MTOR: variants seen among roughly 807,000 people sequenced by gnomAD.
MTOR encodes serine/threonine-protein kinase mTOR.
A neutral mutation model predicts 319.8 loss-of-function variants in MTOR; 70 were observed. The observed-to-expected ratio is 0.22, with a 90% CI of 0.18 to 0.27. MTOR has a LOEUF of 0.27. Ranked by LOEUF, MTOR falls within the 10% of genes least tolerant of loss-of-function variation. The pLI is 1.00. For missense variants in MTOR, 1,890 were observed against 3,274.4 expected (o/e 0.58, Z 10.32); for synonymous variants, 1,183 against 1,211.4 (o/e 0.98, Z 0.49).
At position 11,204,570 on chromosome 1, in the gene MTOR, G is replaced by A. The variant is rs2100764802; in HGVS notation, c.3935C>T (p.Pro1312Leu). The A allele has an allele frequency of 3.1e-6, 5 of 1,613,912 alleles. No individual in the cohort carries two copies. The highest frequency in any genetic ancestry group is 1.1e-5 in the South Asian group (1 of 91,056). Residue 1312 changes from proline to leucine, a missense_variant, in exon 26 of 58, where the codon CCG becomes CTG. Coordinates refer to ENST00000361445, the MANE Select transcript of MTOR (RefSeq NM_004958.4). ...SCWALAQAYN[P>L]MARDLFNAAF... ...CCCTGACACACTATACCTGGCCATC[G>A]GGTTGTAGGCCTGTGCCAGGGCCCA...
At chr1:11,231,149 G>A (rs1216917864) in intron 17 of MTOR, 95 bp from the exon 18 acceptor site, 16 of 1,596,108 alleles carry the variant, frequency 1.0e-5, no homozygotes, top group Non-Finnish European at 1.4e-5. Flanking sequence ...ATAATCCCCA[G>A]TTCATATCCA....
chr1:11,129,841 G>A lies in MTOR; in HGVS notation c.5614-3C>T, dbSNP rs1233813712. On this transcript the variant is annotated splice_region_variant and splice_polypyrimidine_tract_variant and intron_variant, in intron 39 of 57. Transcript: ENST00000361445. This position sits in a 1 kb window ranked among gnomAD's most constrained non-coding sequence, Gnocchi z 4.7. ...ATCAGGAGGGTTTTGGACAGATCCT[G>A]TTGGAACACACACGTGTTAGCGACA... 6.2e-7 allele frequency: 1 copy of A among 1,613,794 alleles called. No homozygotes were observed. The highest frequency in any genetic ancestry group is 8.5e-7 in the Non-Finnish European group (1 of 1,179,668).
rs190240152 is a variant in MTOR at position 11,124,047 on chromosome 1, C to T, written c.6662+451G>A. ...AAGTGATCCACCTGCCTGGGCCTCC[C>T]AAAGTGCTGGGATTATAGGCATGGG... On this transcript the variant is annotated intron_variant, in intron 47 of 57. Coordinates refer to ENST00000361445, the MANE Select transcript of MTOR (RefSeq NM_004958.4). Among the ~76,000 whole-genome samples, 5 of 152,330 alleles carry T rather than the reference C, an allele frequency of 3.3e-5. No individual in the cohort carries two copies. In the East Asian group the frequency reaches 9.6e-4, roughly 29 times the overall value.
intron 13 of MTOR, among the ~76,000 whole-genome samples, chr1:11,236,279 G>A (rs1169307754): frequency 1.3e-5 from 2 of 151,518 alleles, no homozygotes; most frequent in African/African-American, 2.4e-5. Flanking sequence ...TAGGACTACA[G>A]GTATGCACCA....
rs185959134 is a variant in MTOR, at chr1:11,147,368, A to T, written c.4571-577T>A. ...AAAAAGATGGGCTAGGTCACAGCAC[A>T]GTGCTCTCTGTGTCATATTAGACAG... is the stretch of plus-strand genomic sequence containing the variant. On this transcript the variant is annotated intron_variant, in intron 31 of 57. Transcript: ENST00000361445. Among the ~76,000 whole-genome samples the T allele has an allele frequency of 2.9e-3, 446 of 152,350 alleles. 3 individuals carry two copies. Among genetic ancestry groups the T allele is most frequent in the Non-Finnish European group, 5.4e-3 (366 of 68,042 alleles).
chr1:11,150,292 T>G, intron 30 of MTOR, 66 bp from the exon 31 acceptor site: 10 of 1,417,866 alleles, frequency 7.1e-6, no homozygotes, highest in South Asian at 1.2e-5. Context: ...CTTCCTCTCC[T>G]GCCCCTTGGG....
chr1:11,216,185 A>C lies in MTOR; in HGVS notation c.3080T>G (p.Ile1027Ser). 1 of 1,614,080 alleles carries C rather than the reference A, an allele frequency of 6.2e-7. No homozygotes were observed. Among genetic ancestry groups the C allele is most frequent in the Non-Finnish European group, 8.5e-7 (1 of 1,179,936 alleles). Residue 1027 changes from isoleucine (I) to serine (S), a missense_variant, in exon 20 of 58, where the codon ATC (isoleucine) becomes AGC (serine). Physicochemically the swap from Ile to Ser is moderately radical, Grantham distance 142 (BLOSUM62 -2). Around this residue, in one of 15 missense-constraint regions of MTOR, gnomAD observed 377 missense variants for 653.9 expected, o/e 0.58. Coordinates refer to ENST00000361445, the MANE Select transcript of MTOR (RefSeq NM_004958.4). The part of the protein sequence containing the change: ...GMLVSFVKSH[I>S]RPYMDEIVTL... The stretch of plus-strand genomic sequence containing the variant: ...GACTATTTCATCCATATAAGGTCTG[A>C]TGTGGCTCTTCACAAAGGACACCAA...
At chr1:11,195,118 G>A in intron 28 of MTOR, 1 of 1,325,886 alleles carries the variant, frequency 7.5e-7, no homozygotes, top group Non-Finnish European at 1.0e-6. Flanking sequence ...AGAAAGGGTA[G>A]GACTGAGAAA....
At chr1:11,126,173 TCTCA>T (rs1186829309) in intron 46 of MTOR, among the ~76,000 whole-genome samples, 4 of 149,330 alleles carry the variant, frequency 2.7e-5, no homozygotes, top group African/African-American at 9.9e-5. Flanking sequence ...GCTTAACAAA[TCTCA>T]CTGTGAGAAT....
chr1:11,127,813 C>T lies in MTOR; in HGVS notation c.6034-7G>A, dbSNP rs2100409540. The T allele has an allele frequency of 6.2e-7, 1 of 1,608,918 alleles. No individual in the cohort carries two copies. The highest frequency in any genetic ancestry group is 1.1e-5 in the South Asian group (1 of 90,488). On this transcript the variant is annotated splice_polypyrimidine_tract_variant and splice_region_variant and intron_variant, in intron 43 of 57. Transcript: ENST00000361445. This position sits in a 1 kb window ranked among gnomAD's most constrained non-coding sequence, Gnocchi z 5.5. ...GGATCAGCTCCTCGCTCACCTGAAG[C>T]CAAGAGAAGAAGGAGAGAAGCATCA...
At chr1:11,252,941 C>T (rs1649887059) in intron 6 of MTOR, among the ~76,000 whole-genome samples, 2 of 152,212 alleles carry the variant, frequency 1.3e-5, no homozygotes, top group African/African-American at 2.4e-5. Flanking sequence ...AGGGCCCCAG[C>T]TGCTGCTCTG....
chr1:11,117,157 G>A, intron 49 of MTOR, 71 bp from the exon 50 acceptor site: 1 of 1,259,492 alleles, frequency 7.9e-7, no homozygotes, highest in Admixed American at 2.2e-5. Context: ...ACTCTAATAA[G>A]CTGTCTTTGG....
chr1:11,132,150 A>C (rs924902957), intron 38 of MTOR: 3 of 152,202 alleles, frequency 2.0e-5, no homozygotes, highest in African/African-American at 4.8e-5. Context: ...AAGTTCCTGA[A>C]ACCAACTTTT....
intron 28 of MTOR, chr1:11,194,520 C>T (rs1218106772): frequency 6.2e-7 from 1 of 1,613,998 alleles, no homozygotes; most frequent in Non-Finnish European, 8.5e-7. Flanking sequence ...GCAATGAACT[C>T]AACAGCTATC....
intron 30 of MTOR, among the ~76,000 whole-genome samples, chr1:11,154,185 A>C (rs1223030639): frequency 1.3e-5 from 2 of 151,348 alleles, no homozygotes; most frequent in African/African-American, 4.9e-5. Flanking sequence ...AACAACAACA[A>C]CAACAACAAC....
intron 25 of MTOR, among the ~76,000 whole-genome samples, chr1:11,207,052 A>G (rs935066858): frequency 6.6e-6 from 1 of 152,234 alleles, no homozygotes; most frequent in Non-Finnish European, 1.5e-5. Flanking sequence ...TCACATGATT[A>G]TAAGGAGGCA....
intron 46 of MTOR, 45 bp from the exon 47 acceptor site, chr1:11,124,678 A>G (rs773266539): frequency 2.5e-6 from 4 of 1,576,608 alleles, no homozygotes; most frequent in Non-Finnish European, 3.5e-6. Flanking sequence ...AGAGGTCCTC[A>G]GCTCTTCAGC....
chr1:11,203,295 A>G (rs1016702870), intron 26 of MTOR, among the ~76,000 whole-genome samples: 9 of 152,258 alleles, frequency 5.9e-5, no homozygotes, highest in African/African-American at 1.7e-4. Context: ...GAATATCCCA[A>G]TTATCCTGAT....
At chr1:11,189,592 C>A in intron 28 of MTOR, 1 of 1,602,508 alleles carries the variant, frequency 6.2e-7, no homozygotes, top group Non-Finnish European at 8.5e-7. Context: ...GCTGAAAAAG[C>A]CTCTCTCAGC....
Sources: allele counts gnomAD v4.1 joint callset (sites outside exome capture counted in the v4.1 genomes callset), GRCh38; gene constraint gnomAD v4.1.1; regional missense constraint gnomAD v4.1.1; non-coding constraint Gnocchi (gnomAD v3.1); transcripts MANE v1.5; gene names NCBI Gene and HGNC (gene_info 2026-07-23, HGNC 2026-07-21).